Variants in RIPOR3 observed in about 807,000 individuals in gnomAD.
RIPOR3 encodes the protein family with sequence similarity 65 member C.
In RIPOR3, 95 loss-of-function variants were observed where a neutral mutation model predicts 114.3. The observed-to-expected ratio is 0.83, with a 90% CI of 0.70 to 0.99. The LOEUF (loss-of-function observed/expected upper bound fraction) is 0.99, where lower values mean the gene tolerates loss of function less well. Ranked by LOEUF, RIPOR3 falls within the 50% of genes least tolerant of loss-of-function variation. RIPOR3 has a pLI of 0.00. For synonymous variants in RIPOR3, 575 were observed against 543.8 expected (o/e 1.06, Z -0.80); for missense variants, 1,252 against 1,266.9 (o/e 0.99, Z 0.18).
At chr20:50,610,507 G>T (rs1186052169) in intron 6 of RIPOR3, among the ~76,000 whole-genome samples, 1 of 152,156 alleles carries the variant, frequency 6.6e-6, no homozygotes, top group Non-Finnish European at 1.5e-5. Flanking sequence ...TTCATCTCTG[G>T]ACCTCTGCTT....
chr20:50,642,371 T>A (rs2085234508), intron 1 of RIPOR3, among the ~76,000 whole-genome samples: 1 of 140,172 alleles, frequency 7.1e-6, no homozygotes, highest in African/African-American at 2.9e-5. Context: ...TGTGTGTGTG[T>A]GTGTGTGAGA....
Position 50,620,000 on chromosome 20 carries a change from C to T in RIPOR3, c.255G>A (p.Leu85=). The T allele has an allele frequency of 2.5e-6, 4 of 1,612,490 alleles. No homozygotes were observed. Among genetic ancestry groups the T allele is most frequent in the Non-Finnish European group, 2.5e-6 (3 of 1,178,616 alleles). ...PQQVKKIFEA[L]KRGLKEYLCV... ...CCCAGCCTTACTTGAGGCCTCTTTT[C>T]AATGCTTCGAAGATCTTCTTCACCT... Residue 85 remains leucine, a synonymous_variant, in exon 3 of 22, where the codon TTG becomes TTA. Transcript: ENST00000327979.
At chr20:50,652,590 C>CAAAAAAAAAAAAAAAAAAAAAAGAAAA (rs2085650691) in intron 1 of RIPOR3, among the ~76,000 whole-genome samples, 1 of 87,324 alleles carries the variant, frequency 1.1e-5, no homozygotes, top group Non-Finnish European at 2.2e-5. Context: ...GATTCTGTCT[C>CAAAAAAAAAAAAAAAAAAAAAAGAAAA]AAAAAAAAAA....
chr20:50,663,739 TTC>T (rs1319355077), intron 1 of RIPOR3, among the ~76,000 whole-genome samples: 1 of 152,112 alleles, frequency 6.6e-6, no homozygotes, highest in Non-Finnish European at 1.5e-5. Flanking sequence ...ACTCTCTACT[TTC>T]TGGCTTCCCT....
intron 16 of RIPOR3, 182 bp from the exon 17 acceptor site, chr20:50,594,896 C>A: frequency 1.6e-6 from 1 of 607,482 alleles, no homozygotes; most frequent in Non-Finnish European, 2.8e-6. Context: ...AAGCATCTTA[C>A]CAGGGCCACC....
chr20:50,678,991 G>C (rs1243302025), intron 1 of RIPOR3, among the ~76,000 whole-genome samples: 1 of 149,240 alleles, frequency 6.7e-6, no homozygotes, highest in African/African-American at 2.5e-5. Context: ...TGTAGTACTA[G>C]CTATTCAGGA....
chr20:50,602,218 C>T lies in RIPOR3; in HGVS notation c.1513G>A (p.Ala505Thr). 1 of 1,613,798 alleles carries T rather than the reference C, an allele frequency of 6.2e-7. No individual in the cohort carries two copies. Among genetic ancestry groups the T allele is most frequent in the Non-Finnish European group, 8.5e-7 (1 of 1,179,966 alleles). Residue 505 changes from alanine to threonine, a missense_variant, in exon 13 of 22, where the codon GCA becomes ACA. Transcript: ENST00000327979. The surrounding 1 kb of genome is among the most constrained non-coding windows in gnomAD (Gnocchi z 4.3). Reference protein sequence around the residue: ...SSSQNGHEEGATGDREDGPGV... With the variant: ...SSSQNGHEEGTTGDREDGPGV... ...GGCCCGTCCTCTCTGTCCCCGGTTG[C>T]CCCTTCCTCGTGGCCGTTCTGGCTA...
chr20:50,644,826 A>ATTTATTT (rs1206379527), intron 1 of RIPOR3, among the ~76,000 whole-genome samples: 2 of 137,214 alleles, frequency 1.5e-5, no homozygotes, highest in Admixed American at 1.5e-4. Context: ...CAGCCCTTTT[A>ATTTATTT]TTTATTTTTT....
chr20:50,596,967 T>G (rs2083314821), intron 14 of RIPOR3: 1 of 149,110 alleles, frequency 6.7e-6, no homozygotes, highest in Admixed American at 6.7e-5. Context: ...TTTTTTTTTC[T>G]TTTTCTTTTT....
chr20:50,650,155 C>T (rs1016266846), intron 1 of RIPOR3, among the ~76,000 whole-genome samples: 1 of 152,004 alleles, frequency 6.6e-6, no homozygotes, highest in African/African-American at 2.4e-5. Flanking sequence ...TCATTTCATC[C>T]CCACGTGGAG....
At chr20:50,641,939 G>A (rs184997700) in intron 1 of RIPOR3, among the ~76,000 whole-genome samples, 182 of 152,186 alleles carry the variant, frequency 1.2e-3, no homozygotes, top group African/African-American at 4.0e-3. Context: ...GAAATGGTCT[G>A]GGGGGTAAGG....
intron 1 of RIPOR3, among the ~76,000 whole-genome samples, chr20:50,642,599 C>A (rs532160001): frequency 6.6e-6 from 1 of 151,262 alleles, no homozygotes; most frequent in East Asian, 1.9e-4. Flanking sequence ...TCTCCCCCCT[C>A]CCCCCATGAG....
At position 50,608,427 on chromosome 20, in the gene RIPOR3, C is replaced by G; in HGVS notation, c.918G>C (p.Glu306Asp). ...RPQVIVVDIT[E>D]LGTIKLQLEV... is the part of the protein sequence containing the mutation. Reference sequence around the variant, plus strand: ...CCAGCTGCAGCTTGATGGTACCCAACTCCGTGATGTCCACCACGATGACCT... The same window carrying G: ...CCAGCTGCAGCTTGATGGTACCCAAGTCCGTGATGTCCACCACGATGACCT... Residue 306 changes from glutamate to aspartate, a missense_variant, in exon 11 of 22, where the codon GAG (glutamate) becomes GAC (aspartate). By Grantham distance (45) the Glu-to-Asp change is conservative. Coordinates refer to ENST00000327979, the MANE Select transcript of RIPOR3 (RefSeq NM_001290268.2). 1 of 1,614,026 alleles carries G rather than the reference C, an allele frequency of 6.2e-7. No homozygotes were observed. Among genetic ancestry groups the G allele is most frequent in the Non-Finnish European group, 8.5e-7 (1 of 1,179,956 alleles).
chr20:50,669,704 T>C (rs1294086920), intron 1 of RIPOR3, among the ~76,000 whole-genome samples: 2 of 152,104 alleles, frequency 1.3e-5, no homozygotes, highest in Non-Finnish European at 2.9e-5. Context: ...TTCGCTTTCC[T>C]TGGCCACACT....
In RIPOR3 at chr20:50,602,064, G is replaced by A; in HGVS notation, c.1659+8C>T. 4 of 1,528,194 alleles carry A rather than the reference G, an allele frequency of 2.6e-6. No homozygotes were observed. Among genetic ancestry groups the A allele is most frequent in the African/African-American group, 1.4e-5 (1 of 72,110 alleles). The allele number at this position is 1,528,194 out of a possible 1,614,324, so 94.7% of individuals were successfully genotyped here. A position where few individuals can be genotyped will look rare whatever the true frequency, so the allele number is the denominator to read the frequency against. On this transcript the variant is annotated splice_region_variant and intron_variant, in intron 13 of 21. Transcript: ENST00000327979. This position sits in a 1 kb window ranked among gnomAD's most constrained non-coding sequence, Gnocchi z 4.3. ...GCAGGGCCACCGCCCGGGGCGGGGT[G>A]GCCATACCTTCAGCCGGTCCCGGAA...
chr20:50,680,881 T>A (rs2086835494), intron 1 of RIPOR3, among the ~76,000 whole-genome samples: 1 of 152,086 alleles, frequency 6.6e-6, no homozygotes, highest in South Asian at 2.1e-4. Context: ...CTGACAGGCG[T>A]AAGCCAAAGA....
At chr20:50,635,385 G>A (rs2084948670) in intron 1 of RIPOR3, among the ~76,000 whole-genome samples, 1 of 151,758 alleles carries the variant, frequency 6.6e-6, no homozygotes, top group Admixed American at 6.6e-5. Flanking sequence ...CAGGCGTGGC[G>A]ACTCACGCCT....
intron 1 of RIPOR3, among the ~76,000 whole-genome samples, chr20:50,647,052 T>C (rs551418083): frequency 6.6e-6 from 1 of 152,302 alleles, no homozygotes; most frequent in South Asian, 2.1e-4. Context: ...CCGGGCGTGG[T>C]GGCTCACACC....
At chr20:50,623,112 T>G (rs772706608) in intron 2 of RIPOR3, among the ~76,000 whole-genome samples, 5 of 151,472 alleles carry the variant, frequency 3.3e-5, no homozygotes, top group Admixed American at 6.6e-5. Context: ...AAACAAAAAA[T>G]TAGCCAGGCG....
Sources: gnomAD v4.1 joint callset for allele counts (sites outside exome capture counted in the v4.1 genomes callset) on GRCh38, gnomAD v4.1.1 for gene constraint, Gnocchi (gnomAD v3.1) non-coding constraint, MANE v1.5 for transcripts, NCBI Gene and HGNC (gene_info 2026-07-23, HGNC 2026-07-21) for gene names.